GPATCH8: variants seen among roughly 807,000 people sequenced by gnomAD.
GPATCH8 encodes G patch domain-containing protein 8.
In GPATCH8, 18 loss-of-function variants were observed where a neutral mutation model predicts 118.3. The ratio of observed to expected loss-of-function variants is 0.15; its 90% CI spans 0.11 to 0.23. GPATCH8 has a LOEUF of 0.23. Among genes scored for constraint, GPATCH8 ranks in the 10% least tolerant of loss-of-function variants. The pLI, the probability that GPATCH8 is intolerant of heterozygous loss-of-function variation, is 1.00. For synonymous variants in GPATCH8, 659 were observed against 684.7 expected (o/e 0.96, Z 0.59); for missense variants, 1,631 against 1,873.8 (o/e 0.87, Z 2.39).
chr17:44,441,188 G>C (rs1345412105), intron 3 of GPATCH8, among the ~76,000 whole-genome samples: 4 of 152,112 alleles, frequency 2.6e-5, no homozygotes, highest in East Asian at 1.9e-4. Context: ...TCTAGGAATA[G>C]AACAACTGGG....
chr17:44,401,218 T>C lies in GPATCH8; in HGVS notation c.859A>G (p.Ile287Val). Residue 287 changes from isoleucine to valine, a missense_variant, in exon 8 of 8, where the codon ATT becomes GTT. Ile to Val is a conservative substitution (Grantham distance 29). Transcript: ENST00000591680. ...AATGGGGTCCCCAGATTATTCTTAA[T>C]GCCAAAGCTGATGCCTTGGGAGGCT... Reference protein sequence around the residue: ...GLASQGISFGIKNNLGTPLQK... With the variant: ...GLASQGISFGVKNNLGTPLQK... The C allele has an allele frequency of 1.2e-6, 2 of 1,614,144 alleles. No individual in the cohort carries two copies. The highest frequency in any genetic ancestry group is 1.7e-6 in the Non-Finnish European group (2 of 1,179,992).
chr17:44,456,791 ACT>A (rs2051350412), intron 3 of GPATCH8, among the ~76,000 whole-genome samples: 3 of 151,810 alleles, frequency 2.0e-5, no homozygotes, highest in Admixed American at 6.6e-5. Flanking sequence ...CCCCAACTCT[ACT>A]CTGTTTTCAT....
At chr17:44,446,970 G>C (rs1320535485) in intron 3 of GPATCH8, among the ~76,000 whole-genome samples, 1 of 151,538 alleles carries the variant, frequency 6.6e-6, no homozygotes, top group Non-Finnish European at 1.5e-5. Context: ...GAGTAGCTGG[G>C]ATTACAGGCA....
intron 1 of GPATCH8, among the ~76,000 whole-genome samples, chr17:44,483,177 ATATATATATATATATATATATATAT>A (rs1332902818): frequency 5.7e-4 from 4 of 6,968 alleles, no homozygotes; most frequent in African/African-American, 2.0e-3. Flanking sequence ...AAAAAAAAAA[ATATATATATATATATATATATATAT>A]ATATATATAT....
At chr17:44,405,852 GAAATCTATA>G in intron 7 of GPATCH8, 60 bp downstream of exon 7, 1 of 1,146,470 alleles carries the variant, frequency 8.7e-7, no homozygotes, top group Non-Finnish European at 1.3e-6. Flanking sequence ...ATTATAATCT[GAAATCTATA>G]ATTTAAAATT....
At chr17:44,424,570 C>A in intron 5 of GPATCH8, 78 bp from the exon 6 acceptor site, 1 of 1,080,626 alleles carries the variant, frequency 9.3e-7, no homozygotes, top group South Asian at 1.3e-5. Context: ...AGAAAACAGT[C>A]TATCTGAGAA....
Position 44,400,001 on chromosome 17 carries a change from C to G in GPATCH8, c.2076G>C (p.Lys692Asn), listed in dbSNP as rs756633602. 3.4e-5 allele frequency: 55 copies of G among 1,613,886 alleles called. 1 individual carries two copies. In the South Asian group the frequency reaches 5.8e-4, roughly 17 times the overall value. ...TAGAGCTTTTCTCTTCTGTGTCAGC[C>G]TTGTGTTTACGTTTGTGTTTGCTGG... is the stretch of plus-strand genomic sequence containing the variant. ...KKSSKHKRKH[K>N]ADTEEKSSKA... Residue 692 changes from lysine (K) to asparagine (N), a missense_variant, in exon 8 of 8, where the codon AAG becomes AAC. Transcript: ENST00000591680.
intron 6 of GPATCH8, among the ~76,000 whole-genome samples, chr17:44,410,891 C>T (rs145934775): frequency 1.3e-3 from 200 of 152,300 alleles, no homozygotes; most frequent in African/African-American, 4.4e-3. Context: ...AACTGTGGCT[C>T]TTTGGGTTAA....
intron 6 of GPATCH8, among the ~76,000 whole-genome samples, chr17:44,411,839 T>G (rs2049444828): frequency 1.3e-5 from 2 of 152,150 alleles, no homozygotes; most frequent in Admixed American, 6.5e-5. Context: ...ACACCTGTAC[T>G]CTCAACACTT....
chr17:44,429,402 T>C (rs16970729), intron 5 of GPATCH8, among the ~76,000 whole-genome samples: 3,015 of 152,090 alleles, frequency 0.02, 105 homozygotes, highest in African/African-American at 0.069. Flanking sequence ...TGAACACAGG[T>C]TTAACCCCTT....
intron 3 of GPATCH8, among the ~76,000 whole-genome samples, chr17:44,462,033 C>T (rs773755243): frequency 7.2e-5 from 11 of 152,146 alleles, no homozygotes; most frequent in Non-Finnish European, 1.6e-4. Flanking sequence ...TTGAAAATAA[C>T]TTTGGATCAT....
chr17:44,403,272 A>C (rs2049095383), intron 7 of GPATCH8, among the ~76,000 whole-genome samples: 1 of 152,008 alleles, frequency 6.6e-6, no homozygotes, highest in Non-Finnish European at 1.5e-5. Flanking sequence ...GATGGGCTTC[A>C]CCATGTTGGC....
At chr17:44,428,974 TA>T (rs1255737817) in intron 5 of GPATCH8, among the ~76,000 whole-genome samples, 1 of 151,728 alleles carries the variant, frequency 6.6e-6, no homozygotes, top group Non-Finnish European at 1.5e-5. Context: ...ACCCTGTCTC[TA>T]CTAAAAATAC....
intron 6 of GPATCH8, among the ~76,000 whole-genome samples, chr17:44,413,547 T>C (rs558096012): frequency 4.3e-4 from 65 of 152,238 alleles, no homozygotes; most frequent in Non-Finnish European, 7.9e-4. Flanking sequence ...AGTGGCGCGA[T>C]CTTGGCTCAC....
chr17:44,466,353 A>G (rs1298231324), intron 2 of GPATCH8, among the ~76,000 whole-genome samples: 2 of 152,186 alleles, frequency 1.3e-5, no homozygotes, highest in African/African-American at 4.8e-5. Context: ...ATTTGTTTCT[A>G]AAACAAAACA....
chr17:44,406,219 G>C (rs1255359688), intron 6 of GPATCH8, among the ~76,000 whole-genome samples, 168 bp from the exon 7 acceptor site: 1 of 152,134 alleles, frequency 6.6e-6, no homozygotes, highest in Non-Finnish European at 1.5e-5. Flanking sequence ...TGATTACTTT[G>C]GGTATAGCAC....
chr17:44,408,553 C>T (rs1278370745), intron 6 of GPATCH8, among the ~76,000 whole-genome samples: 1 of 152,202 alleles, frequency 6.6e-6, no homozygotes, highest in African/African-American at 2.4e-5. Flanking sequence ...ATGCCATTTC[C>T]TCCCCTCTTA....
At chr17:44,471,979 C>CT (rs895194636) in intron 2 of GPATCH8, among the ~76,000 whole-genome samples, 196 of 145,160 alleles carry the variant, frequency 1.4e-3, no homozygotes, top group South Asian at 5.4e-3. Flanking sequence ...GTCAATACTT[C>CT]TTTTTTTTTT....
chr17:44,401,106 T>A lies in GPATCH8; in HGVS notation c.971A>T (p.Glu324Val). The A allele has an allele frequency of 6.2e-7, 1 of 1,614,128 alleles. No homozygotes were observed. Among genetic ancestry groups the A allele is most frequent in the Non-Finnish European group, 8.5e-7 (1 of 1,179,976 alleles). Residue 324 changes from glutamate to valine, a missense_variant, in exon 8 of 8, where the codon GAG becomes GTG. Transcript: ENST00000591680. ...SIASVFKDHA[E>V]EGTSEDGTKP... ...TGTTCCATCTTCAGAGGTCCCTTCC[T>A]CCGCATGGTCCTTGAAAACTGATGC...
Sources: allele counts gnomAD v4.1 joint callset (sites outside exome capture counted in the v4.1 genomes callset), GRCh38; gene constraint gnomAD v4.1.1; transcripts MANE v1.5; gene names NCBI Gene and HGNC (gene_info 2026-07-23, HGNC 2026-07-21).